Variants in GCN1 observed in about 807,000 individuals in gnomAD.
GCN1 encodes stalled ribosome sensor GCN1.
GCN1 carries 90 observed loss-of-function variants against 288.4 expected under a neutral mutation model. The observed-to-expected ratio is 0.31, with a 90% confidence interval of 0.26 to 0.37. The LOEUF is 0.37. Ranked by LOEUF, GCN1 falls within the 10% of genes least tolerant of loss-of-function variation. The pLI, the probability that GCN1 is intolerant of heterozygous loss-of-function variation, is 1.00. For missense variants in GCN1, 2,586 were observed against 3,419.9 expected, an observed-to-expected ratio of 0.76 and a Z score of 6.08; for synonymous variants, 1,386 against 1,420.2, an observed-to-expected ratio of 0.98 and a Z score of 0.54.
At chr12:120,129,733 C>T (rs1876752600) in intron 56 of GCN1, among the ~76,000 whole-genome samples, 1 of 152,142 alleles carries the variant, frequency 6.6e-6, no homozygotes, top group Admixed American at 6.5e-5. Context: ...CCCAGGGCCT[C>T]GGGCCTCTGC....
At position 120,153,401 on chromosome 12, in the gene GCN1, C is replaced by T. The variant is rs747892159; in HGVS notation, c.3874G>A (p.Val1292Ile). ...TCGAATACTGGCAACAGCGAGTTGACGTTCTCCTGGAAAGCCAAACCCCTC... is the reference window on the plus strand; with the variant it reads ...TCGAATACTGGCAACAGCGAGTTGATGTTCTCCTGGAAAGCCAAACCCCTC... ...ATLNTHGKEN[V>I]NSLLPVFEEF... Residue 1292 changes from valine to isoleucine, a missense_variant, in exon 33 of 58, where the codon GTC becomes ATC. This residue lies in a region of GCN1 where 332 missense variants were observed against 403.0 expected (regional missense o/e 0.82). Transcript: ENST00000300648. This position sits in a 1 kb window ranked among gnomAD's most constrained non-coding sequence, Gnocchi z 4.4. The T allele has an allele frequency of 5.0e-6, 8 of 1,613,674 alleles. No individual in the cohort carries two copies. Among genetic ancestry groups the T allele is most frequent in the African/African-American group, 2.7e-5 (2 of 74,916 alleles).
chr12:120,194,528 C>T (rs1879109113), intron 1 of GCN1, 152 bp downstream of exon 1: 1 of 774,720 alleles, frequency 1.3e-6, no homozygotes, highest in Middle Eastern at 2.3e-4. Context: ...GCCCGCAGCC[C>T]TGAGAGTCCA....
At chr12:120,181,337 T>A (rs1878650905) in intron 5 of GCN1, among the ~76,000 whole-genome samples, 1 of 150,760 alleles carries the variant, frequency 6.6e-6, no homozygotes, top group Admixed American at 6.6e-5. Flanking sequence ...TACACCAGCA[T>A]GCCTGTAGTC....
intron 55 of GCN1, 152 bp downstream of exon 55, chr12:120,131,033 G>A: frequency 1.4e-6 from 1 of 704,074 alleles, no homozygotes; most frequent in Non-Finnish European, 2.4e-6. Context: ...AAGGGATCAA[G>A]TGCTGGTCCA....
At chr12:120,190,207 A>G (rs1301835045) in intron 2 of GCN1, 91 bp downstream of exon 2, 5 of 705,742 alleles carry the variant, frequency 7.1e-6, no homozygotes, top group East Asian at 2.6e-5. Flanking sequence ...CCAGGGCAAC[A>G]GTGAGAGACT....
intron 53 of GCN1, among the ~76,000 whole-genome samples, chr12:120,133,301 G>C (rs1643318002): frequency 6.6e-6 from 1 of 152,194 alleles, no homozygotes. Context: ...GACCACAACA[G>C]AGGGCTGTCT....
At chr12:120,128,223 C>T (rs1876681297) in intron 57 of GCN1, among the ~76,000 whole-genome samples, 1 of 152,224 alleles carries the variant, frequency 6.6e-6, no homozygotes, top group African/African-American at 2.4e-5. Context: ...TTCCTGGGCT[C>T]CAGTGATCCT....
At position 120,147,184 on chromosome 12, in the gene GCN1, G is replaced by A. The variant is rs1877389819; in HGVS notation, c.4815C>T (p.Val1605=). ...CLQTLLDTKF[V]HFIDAPSLAL... Reference sequence around the variant, plus strand: ...CCAGGGATGGGGCATCAATGAAGTGGACAAACTTGGTGTCCAGCAGGGTCT... The same window carrying A: ...CCAGGGATGGGGCATCAATGAAGTGAACAAACTTGGTGTCCAGCAGGGTCT... The change falls in exon 38 of 58, where the codon GTC becomes GTT. Residue 1605 remains valine (V), a synonymous_variant. Transcript: ENST00000300648. The A allele has an allele frequency of 6.2e-7, 1 of 1,613,188 alleles. No individual in the cohort carries two copies. Among genetic ancestry groups the A allele is most frequent in the Non-Finnish European group, 8.5e-7 (1 of 1,179,230 alleles).
chr12:120,162,798 G>C, intron 20 of GCN1, 49 bp downstream of exon 20: 1 of 1,598,882 alleles, frequency 6.3e-7, no homozygotes, highest in Non-Finnish European at 8.5e-7. Flanking sequence ...ACTGTGATGA[G>C]AGGGCCCCCT....
chr12:120,143,581 C>G (rs1239856627), intron 42 of GCN1, among the ~76,000 whole-genome samples: 2 of 86,020 alleles, frequency 2.3e-5, no homozygotes, highest in Non-Finnish European at 4.3e-5. Flanking sequence ...GACTCCGTCT[C>G]AAAAAGGAAA....
intron 46 of GCN1, 27 bp from the exon 47 acceptor site, chr12:120,138,442 G>A: frequency 7.1e-7 from 1 of 1,405,894 alleles, no homozygotes; most frequent in Non-Finnish European, 1.0e-6. Context: ...GGACAACCCT[G>A]AGGAATCTGC....
intron 45 of GCN1, among the ~76,000 whole-genome samples, chr12:120,139,282 C>A (rs777858345): frequency 6.6e-6 from 1 of 151,974 alleles, no homozygotes; most frequent in Admixed American, 6.6e-5. Context: ...TGTACTCCTG[C>A]CTGGGCAGCA....
chr12:120,148,122 C>T (rs924352174), intron 37 of GCN1, 45 bp downstream of exon 37: 12 of 1,443,218 alleles, frequency 8.3e-6, no homozygotes, highest in Middle Eastern at 2.0e-4. Flanking sequence ...AAGGCTGCGG[C>T]GTTGGTGGGA....
At chr12:120,174,366 T>C (rs1878405143) in intron 12 of GCN1, among the ~76,000 whole-genome samples, 197 bp from the exon 13 acceptor site, 1 of 152,182 alleles carries the variant, frequency 6.6e-6, no homozygotes, top group South Asian at 2.1e-4. Flanking sequence ...CCAAGCCTCC[T>C]GCTAGACCTG....
At chr12:120,136,883 G>A (rs1017941723) in intron 50 of GCN1, 151 bp from the exon 51 acceptor site, 1 of 650,480 alleles carries the variant, frequency 1.5e-6, no homozygotes, top group African/African-American at 1.8e-5. Flanking sequence ...AGCCTGAGAG[G>A]GCTGGCTATG....
rs1034160266 is a variant in GCN1, at chr12:120,151,233, G to A, written c.4221C>T (p.Gly1407=). The A allele has an allele frequency of 6.2e-7, 1 of 1,614,138 alleles. No individual in the cohort carries two copies. Among genetic ancestry groups the A allele is most frequent in the African/African-American group, 1.3e-5 (1 of 75,068 alleles). ...AAYGLAGLVK[G]LGILSLKQQE... Reference sequence around the variant, plus strand: ...GTTGCTTCAGCGAGAGGATGCCCAGGCCCTTCACCAGGCCCGCCAGGCCAT... The same window carrying A: ...GTTGCTTCAGCGAGAGGATGCCCAGACCCTTCACCAGGCCCGCCAGGCCAT... Residue 1407 remains glycine, a synonymous_variant, in exon 34 of 58, where the codon GGC becomes GGT. Transcript: ENST00000300648.
At position 120,161,570 on chromosome 12, in the gene GCN1, T is replaced by C. The variant is rs748428786; in HGVS notation, c.2356A>G (p.Ser786Gly). 2.1e-5 allele frequency: 34 copies of C among 1,613,216 alleles called. 1 individual carries two copies. The Middle Eastern group carries it at 9.9e-4, about 47-fold the overall frequency. The part of the protein sequence containing the change: ...KSIIQSAQQD[S>G]IKKANMKREN... ...CGCTTCATGTTGGCCTTTTTTATGCTGTCCTGCTGGGCACTGAAACACCAG... is the reference window on the plus strand; with the variant it reads ...CGCTTCATGTTGGCCTTTTTTATGCCGTCCTGCTGGGCACTGAAACACCAG... Residue 786 changes from serine (S) to glycine (G), a missense_variant, in exon 22 of 58, where the codon AGC (serine) becomes GGC (glycine). Ser to Gly is a moderately conservative substitution (Grantham distance 56). Transcript: ENST00000300648.
chr12:120,168,117 T>G, intron 16 of GCN1, 91 bp downstream of exon 16: 1 of 822,642 alleles, frequency 1.2e-6, no homozygotes, highest in Non-Finnish European at 2.1e-6. Flanking sequence ...TTTGCAGACC[T>G]GACTGGTTGG....
intron 37 of GCN1, among the ~76,000 whole-genome samples, chr12:120,147,871 G>A (rs1333768393): frequency 1.3e-5 from 2 of 152,082 alleles, no homozygotes; most frequent in African/African-American, 4.8e-5. Context: ...TCTATCAAAG[G>A]CCTCCTGGAA....
Sources: allele counts gnomAD v4.1 joint callset (sites outside exome capture counted in the v4.1 genomes callset), GRCh38; gene constraint gnomAD v4.1.1; regional missense constraint gnomAD v4.1.1; non-coding constraint Gnocchi (gnomAD v3.1); transcripts MANE v1.5; gene names NCBI Gene and HGNC (gene_info 2026-07-23, HGNC 2026-07-21).